Variants in BMP7 observed in about 807,000 individuals in gnomAD.
The protein encoded by BMP7 is bone morphogenetic protein 7.
Under a neutral mutation model 41.2 loss-of-function variants are expected in BMP7, and 12 were observed. The observed-to-expected ratio is 0.29, with a 90% CI of 0.19 to 0.47. BMP7 has a LOEUF of 0.47. Ranked by LOEUF, BMP7 falls within the 20% of genes least tolerant of loss-of-function variation. The pLI is 0.99. For synonymous variants in BMP7, 248 were observed against 250.0 expected (o/e 0.99, Z 0.07); for missense variants, 467 against 606.0 (o/e 0.77, Z 2.41).
rs932973540 is a variant in BMP7 at position 57,169,702 on chromosome 20, G to A, written c.*1257C>T. On this transcript the variant is annotated 3_prime_UTR_variant, in exon 7 of 7. Coordinates refer to ENST00000395863, the MANE Select transcript of BMP7 (RefSeq NM_001719.3). ...CAAAGACCAGAGGGTCCACTGGGGC[G>A]ATGTGCAGTGCTCCTGCTCACCCCA... 3 of 152,186 alleles carry A rather than the reference G, an allele frequency of 2.0e-5. No homozygotes were observed. The highest frequency in any genetic ancestry group is 2.1e-4 in the South Asian group (1 of 4,820). 9.4% of individuals were successfully genotyped at this position (152,186 alleles called of 1,614,324 possible). A position where few individuals can be genotyped will look rare whatever the true frequency, so the allele number is the denominator to read the frequency against.
At chr20:57,260,555 G>A (rs565559665) in intron 1 of BMP7, among the ~76,000 whole-genome samples, 80 of 152,312 alleles carry the variant, frequency 5.3e-4, no homozygotes, top group African/African-American at 1.8e-3. Context: ...CCATGAAGGC[G>A]AGAGAAGGCA....
intron 4 of BMP7, among the ~76,000 whole-genome samples, chr20:57,183,302 A>G (rs1438955496): frequency 6.6e-6 from 1 of 152,084 alleles, no homozygotes. Flanking sequence ...TTTGCCATGA[A>G]TTTAAAATAT....
chr20:57,248,133 T>G (rs1036890433), intron 1 of BMP7, among the ~76,000 whole-genome samples: 7 of 152,212 alleles, frequency 4.6e-5, no homozygotes, highest in African/African-American at 7.2e-5. Flanking sequence ...TGGAACACTA[T>G]CATCTGGAGG....
rs1446664965 is a variant in BMP7 at position 57,259,677 on chromosome 20, CA to C, written c.418+6027del. Among the ~76,000 whole-genome samples the C allele has an allele frequency of 6.6e-6, 1 of 152,202 alleles. No homozygotes were observed. Among genetic ancestry groups the C allele is most frequent in the Non-Finnish European group, 1.5e-5 (1 of 68,046 alleles). On this transcript the variant is annotated intron_variant, in intron 1 of 6. Coordinates refer to ENST00000395863, the MANE Select transcript of BMP7 (RefSeq NM_001719.3). The surrounding 1 kb of genome is among the most constrained non-coding windows in gnomAD (Gnocchi z 4.7). ...CGGCTCCCCACAATGCCTTCCGACACAAATGTTGAAAAGGCGGTATTGCACA... is the reference window on the plus strand; with the variant it reads ...CGGCTCCCCACAATGCCTTCCGACACAATGTTGAAAAGGCGGTATTGCACA...
rs1983878858 is a variant in BMP7 at position 57,174,543 on chromosome 20, C to T, written c.1035+388G>A. On this transcript the variant is annotated intron_variant, in intron 5 of 6. Coordinates refer to ENST00000395863, the MANE Select transcript of BMP7 (RefSeq NM_001719.3). This position sits in a 1 kb window ranked among gnomAD's most constrained non-coding sequence, Gnocchi z 4.3. ...CTGAACCAAGCTGGGCAGATCCGTC[C>T]CTCCCGTGGGAATGGGAATGGGGTA... 6.6e-6 allele frequency among the ~76,000 whole-genome samples: 1 copy of T among 152,128 alleles called. No homozygotes were observed. The highest frequency in any genetic ancestry group is 2.4e-5 in the African/African-American group (1 of 41,426).
intron 3 of BMP7, among the ~76,000 whole-genome samples, chr20:57,192,521 T>G (rs1352947254): frequency 1.3e-5 from 2 of 151,620 alleles, no homozygotes; most frequent in Non-Finnish European, 2.9e-5. Flanking sequence ...CTATTTACTT[T>G]GATTATTTGT....
intron 1 of BMP7, among the ~76,000 whole-genome samples, chr20:57,253,003 G>A (rs2066120264): frequency 6.6e-6 from 1 of 152,172 alleles, no homozygotes; most frequent in Non-Finnish European, 1.5e-5. Flanking sequence ...CATACCAATA[G>A]TGCCCAGGCT....
At chr20:57,230,658 G>A (rs1256274787) in intron 1 of BMP7, among the ~76,000 whole-genome samples, 2 of 147,036 alleles carry the variant, frequency 1.4e-5, no homozygotes, top group Admixed American at 6.9e-5. Context: ...AACAAGGGCC[G>A]TTCCTCTGCT....
At position 57,174,864 on chromosome 20, in the gene BMP7, A is replaced by T; in HGVS notation, c.1035+67T>A. On this transcript the variant is annotated intron_variant, in intron 5 of 6. Coordinates refer to ENST00000395863, the MANE Select transcript of BMP7 (RefSeq NM_001719.3). This position sits in a 1 kb window ranked among gnomAD's most constrained non-coding sequence, Gnocchi z 4.3. Reference sequence around the variant, plus strand: ...AGATGAGAAACAAGACTGAGCACAGACCCGCTGCCTCGTGGGAGCCCACGC... The same window carrying T: ...AGATGAGAAACAAGACTGAGCACAGTCCCGCTGCCTCGTGGGAGCCCACGC... The T allele has an allele frequency of 6.7e-7, 1 of 1,503,250 alleles. No individual in the cohort carries two copies. 93.1% of individuals were successfully genotyped at this position (1,503,250 alleles called of 1,614,324 possible). A position where few individuals can be genotyped will look rare whatever the true frequency, so the allele number is the denominator to read the frequency against.
At chr20:57,245,917 C>T (rs1238069000) in intron 1 of BMP7, among the ~76,000 whole-genome samples, 4 of 152,174 alleles carry the variant, frequency 2.6e-5, no homozygotes, top group Non-Finnish European at 2.9e-5. Context: ...GGATTACAGG[C>T]GTCAGCCAGC....
intron 1 of BMP7, among the ~76,000 whole-genome samples, chr20:57,239,408 G>A (rs1194756759): frequency 6.6e-6 from 1 of 152,204 alleles, no homozygotes; most frequent in Non-Finnish European, 1.5e-5. Flanking sequence ...CACCCCTGTG[G>A]CTTTGCAGGG....
intron 2 of BMP7, among the ~76,000 whole-genome samples, chr20:57,219,913 C>T (rs1019001906): frequency 1.3e-5 from 2 of 152,186 alleles, no homozygotes; most frequent in African/African-American, 4.8e-5. Context: ...GACCTGAAAC[C>T]AGTGGCCAAC....
chr20:57,220,415 G>A (rs776764400), intron 2 of BMP7, among the ~76,000 whole-genome samples: 1 of 152,104 alleles, frequency 6.6e-6, no homozygotes, highest in Non-Finnish European at 1.5e-5. Flanking sequence ...AATTCTCTTT[G>A]TCTCCTGCCA....
chr20:57,192,762 A>C (rs112181165), intron 3 of BMP7, among the ~76,000 whole-genome samples: 4 of 152,150 alleles, frequency 2.6e-5, no homozygotes, highest in African/African-American at 9.6e-5. Context: ...TTTGAAAAAA[A>C]AAAACAAAAA....
rs1984996298 is a variant in BMP7, at chr20:57,215,638, A to G, written c.611+12591T>C. 6.6e-6 allele frequency: 1 copy of G among 152,108 alleles called. No individual in the cohort carries two copies. The highest frequency in any genetic ancestry group is 6.5e-5 in the Admixed American group (1 of 15,280). 9.4% of individuals were successfully genotyped at this position (152,108 alleles called of 1,614,324 possible). On this transcript the variant is annotated intron_variant, in intron 2 of 6. Coordinates refer to ENST00000395863, the MANE Select transcript of BMP7 (RefSeq NM_001719.3). The surrounding 1 kb of genome is among the most constrained non-coding windows in gnomAD (Gnocchi z 4.2). ...CCCAGAAAAATCTGGGGGGCACTGC[A>G]GAGCTTCTGACACGGCTCTGGGGGA...
At chr20:57,229,613 A>T (rs2123118539) in intron 1 of BMP7, among the ~76,000 whole-genome samples, 1 of 152,324 alleles carries the variant, frequency 6.6e-6, no homozygotes, top group Admixed American at 6.5e-5. Flanking sequence ...CAGTGAGAAG[A>T]ACCTCCAGAC....
At chr20:57,246,074 C>T (rs1013804711) in intron 1 of BMP7, among the ~76,000 whole-genome samples, 2 of 145,424 alleles carry the variant, frequency 1.4e-5, no homozygotes, top group Non-Finnish European at 3.1e-5. Flanking sequence ...CTGGTCGCTT[C>T]TGCTTCTTGA....
intron 3 of BMP7, among the ~76,000 whole-genome samples, chr20:57,191,251 C>T (rs761869908): frequency 1.3e-5 from 2 of 152,158 alleles, no homozygotes; most frequent in Non-Finnish European, 2.9e-5. Context: ...CGTGTTCATG[C>T]CTCGGGTACT....
At position 57,228,781 on chromosome 20, in the gene BMP7, T is replaced by A. The variant is rs2066017902; in HGVS notation, c.419-360A>T. ...CACTAACCAACAGAGTGGCCCTAGA[T>A]AAGGTAACAGAAAACCTCTATGGAA... On this transcript the variant is annotated intron_variant, in intron 1 of 6. Coordinates refer to ENST00000395863, the MANE Select transcript of BMP7 (RefSeq NM_001719.3). This position sits in a 1 kb window ranked among gnomAD's most constrained non-coding sequence, Gnocchi z 4.5. Among the ~76,000 whole-genome samples the A allele has an allele frequency of 6.6e-6, 1 of 152,188 alleles. No individual in the cohort carries two copies. The highest frequency in any genetic ancestry group is 2.4e-5 in the African/African-American group (1 of 41,440).
Sources: gnomAD v4.1 joint callset for allele counts (sites outside exome capture counted in the v4.1 genomes callset) on GRCh38, gnomAD v4.1.1 for gene constraint, Gnocchi (gnomAD v3.1) non-coding constraint, MANE v1.5 for transcripts, NCBI Gene and HGNC (gene_info 2026-07-23, HGNC 2026-07-21) for gene names.